Variants in ZFTRAF1 observed in about 807,000 individuals in gnomAD.
The protein encoded by ZFTRAF1 is zinc finger TRAF-type and ring finger containing 1, also known as zinc finger TRAF-type-containing protein 1.
the ZFTRAF1 span, chr8:144,462,367 G>GGCC: frequency 7.3e-3 from 3,516 of 478,704 alleles, 22 homozygotes; most frequent in African/African-American, 0.03. Flanking sequence ...TCCCGCTGCC[G>GGCC]GCCGCCGCCG....
the ZFTRAF1 span, chr8:144,453,610 TGTG>T: frequency 1.5e-6 from 1 of 675,904 alleles, no homozygotes. Flanking sequence ...CGTGCTGGAG[TGTG>T]GTGAACACTG....
chr8:144,452,724 G>C, the ZFTRAF1 span, among the ~76,000 whole-genome samples: 2 of 152,230 alleles, frequency 1.3e-5, no homozygotes, highest in East Asian at 3.8e-4. Context: ...CAGAGTGGCA[G>C]CATGTGGAGA....
chr8:144,452,501 G>A, the ZFTRAF1 span: 6 of 1,544,796 alleles, frequency 3.9e-6, no homozygotes, highest in Middle Eastern at 1.7e-4. Context: ...ACGCAGCCTC[G>A]TGCACCGTCA....
chr8:144,453,723 C>T, the ZFTRAF1 span: 1 of 421,558 alleles, frequency 2.4e-6, no homozygotes, highest in Non-Finnish European at 4.4e-6. Flanking sequence ...TGACAGCTCG[C>T]CCTGGCAGTG....
chr8:144,456,695 A>ACAT, the ZFTRAF1 span: 3 of 151,804 alleles, frequency 2.0e-5, no homozygotes, highest in Non-Finnish European at 4.4e-5. Context: ...TGGGAAATTG[A>ACAT]CATCACATGG....
the ZFTRAF1 span, chr8:144,450,757 C>T: frequency 2.9e-6 from 2 of 700,952 alleles, no homozygotes; most frequent in African/African-American, 3.5e-5. Flanking sequence ...TGCGGTACGG[C>T]CGGAACTGGA....
the ZFTRAF1 span, chr8:144,450,526 G>A: frequency 1.4e-6 from 1 of 718,398 alleles, no homozygotes; most frequent in Non-Finnish European, 2.6e-6. Context: ...AGATGACGGG[G>A]CTGATCCTCA....
the ZFTRAF1 span, among the ~76,000 whole-genome samples, chr8:144,461,788 G>A: frequency 2.6e-5 from 4 of 152,208 alleles, 1 homozygote; most frequent in Middle Eastern, 6.3e-3. Context: ...AGAAAAGGAG[G>A]CGTCCATAGG....
the ZFTRAF1 span, chr8:144,452,049 GC>G: frequency 2.3e-6 from 1 of 431,036 alleles, no homozygotes; most frequent in Non-Finnish European, 4.4e-6. Context: ...CTGTCTTGAG[GC>G]TCTGGAGCCC....
chr8:144,462,328 C>G, the ZFTRAF1 span: 1 of 561,078 alleles, frequency 1.8e-6, no homozygotes, highest in Non-Finnish European at 3.2e-6. Context: ...CGGTGCAGCA[C>G]AGCACCGAGT....
the ZFTRAF1 span, chr8:144,462,361 G>A: frequency 3.7e-5 from 18 of 485,928 alleles, no homozygotes; most frequent in Admixed American, 5.3e-4. Context: ...CCAGTTTCCC[G>A]CTGCCGGCCG....
the ZFTRAF1 span, chr8:144,451,153 C>T: frequency 2.7e-4 from 55 of 200,122 alleles, 1 homozygote; most frequent in South Asian, 3.9e-3. Flanking sequence ...TTTATTGGTT[C>T]TGATACAGAG....
chr8:144,461,373 G>A, the ZFTRAF1 span, among the ~76,000 whole-genome samples: 2 of 152,210 alleles, frequency 1.3e-5, no homozygotes, highest in Non-Finnish European at 2.9e-5. Context: ...GGAAGGTGGG[G>A]ACACTGTACT....
At chr8:144,461,987 A>G in the ZFTRAF1 span, among the ~76,000 whole-genome samples, 2 of 152,126 alleles carry the variant, frequency 1.3e-5, no homozygotes, top group Non-Finnish European at 2.9e-5. Context: ...GAAGTCTAGA[A>G]AAAAGAAGGG....
At chr8:144,462,465 G>C in the ZFTRAF1 span, 3 of 214,106 alleles carry the variant, frequency 1.4e-5, no homozygotes, top group Admixed American at 5.8e-5. Context: ...TGCAGCTGTA[G>C]CTGCCGGGCG....
chr8:144,450,106 C>G, the ZFTRAF1 span: 3 of 464,666 alleles, frequency 6.5e-6, no homozygotes, highest in East Asian at 7.7e-5. Context: ...GCCACCGTCT[C>G]TGAGCCTCGG....
At chr8:144,462,704 A>G in the ZFTRAF1 span, 1 of 138,342 alleles carries the variant, frequency 7.2e-6, no homozygotes, top group African/African-American at 2.7e-5. Context: ...CCCCGACTAG[A>G]AGTTAGGGGC....
the ZFTRAF1 span, among the ~76,000 whole-genome samples, chr8:144,458,178 G>C: frequency 2.6e-5 from 4 of 152,188 alleles, no homozygotes; most frequent in Non-Finnish European, 1.5e-5. Context: ...GCCAGGACTC[G>C]AACCCTCCAC....
At chr8:144,450,315 G>C in the ZFTRAF1 span, 13 of 675,616 alleles carry the variant, frequency 1.9e-5, no homozygotes, top group Admixed American at 4.2e-5. Flanking sequence ...CTGCCAGCCA[G>C]GTGGACAGGG....
Sources: gnomAD v4.1 joint callset for allele counts (sites outside exome capture counted in the v4.1 genomes callset) on GRCh38, gnomAD v4.1.1 for gene constraint, MANE v1.5 for transcripts, NCBI Gene and HGNC (gene_info 2026-07-23, HGNC 2026-07-21) for gene names.